SUSD5: variants seen among roughly 807,000 people sequenced by gnomAD.
SUSD5 encodes the protein sushi domain-containing protein 5.
SUSD5 carries 33 observed loss-of-function variants against 29.5 expected under a neutral mutation model. The observed-to-expected ratio is 1.12, with a 90% CI of 0.85 to 1.49. The LOEUF is 1.49. Ranked by LOEUF, SUSD5 falls within the 40% of genes most tolerant of loss-of-function variation. SUSD5 has a pLI of 0.00. For missense variants in SUSD5, 776 were observed against 800.6 expected (o/e 0.97, Z 0.37); for synonymous variants, 308 against 325.3 (o/e 0.95, Z 0.57).
At chr3:33,213,684 G>A (rs12715215) in intron 2 of SUSD5, among the ~76,000 whole-genome samples, 3 of 151,898 alleles carry the variant, frequency 2.0e-5, no homozygotes, top group African/African-American at 7.3e-5. Flanking sequence ...TGAGGCAGGA[G>A]AATTGCTTGA....
rs893407931 is a variant in SUSD5 at position 33,158,276 on chromosome 3, G to A, written c.599-4243C>T. Among the ~76,000 whole-genome samples, 7 of 152,234 alleles carry A rather than the reference G, an allele frequency of 4.6e-5. No individual in the cohort carries two copies. In the South Asian group the frequency reaches 6.2e-4, roughly 14 times the overall value. On this transcript the variant is annotated intron_variant, in intron 4 of 4. Coordinates refer to ENST00000309558, the MANE Select transcript of SUSD5 (RefSeq NM_015551.2). ...TACCCATAGTCTCTCATAACACCCCGAAGACCCTCTGAAAAGACGCCATTG... is the reference window on the plus strand; with the variant it reads ...TACCCATAGTCTCTCATAACACCCCAAAGACCCTCTGAAAAGACGCCATTG...
At chr3:33,212,682 G>GAT (rs1353176282) in intron 2 of SUSD5, among the ~76,000 whole-genome samples, 1 of 152,202 alleles carries the variant, frequency 6.6e-6, no homozygotes, top group Non-Finnish European at 1.5e-5. Context: ...CCCTAAAGGA[G>GAT]ATACCTCCAT....
Position 33,167,294 on chromosome 3 carries a change from A to G in SUSD5, c.598+7592T>C, listed in dbSNP as rs1250237970. 6.6e-6 allele frequency among the ~76,000 whole-genome samples: 1 copy of G among 152,138 alleles called. No individual in the cohort carries two copies. The highest frequency in any genetic ancestry group is 1.5e-5 in the Non-Finnish European group (1 of 68,014). On this transcript the variant is annotated intron_variant, in intron 4 of 4. Transcript: ENST00000309558. The surrounding 1 kb of genome is among the most constrained non-coding windows in gnomAD (Gnocchi z 4.1). ...TCTCACTTTTTTGTGTGTGCAGGCA[A>G]CACTGGCTTAGCATTTAATATTAGA...
intron 3 of SUSD5, among the ~76,000 whole-genome samples, chr3:33,190,741 T>A (rs986638273): frequency 6.6e-6 from 1 of 152,200 alleles, no homozygotes; most frequent in Non-Finnish European, 1.5e-5. Context: ...GCTTCCCTTG[T>A]CTGCCTGATG....
chr3:33,196,727 A>C (rs2032003012), intron 3 of SUSD5, among the ~76,000 whole-genome samples: 1 of 152,180 alleles, frequency 6.6e-6, no homozygotes, highest in South Asian at 2.1e-4. Context: ...AATGATTGGG[A>C]TCCTGGTTAA....
intron 2 of SUSD5, among the ~76,000 whole-genome samples, chr3:33,209,863 T>C (rs1322457666): frequency 6.6e-6 from 1 of 152,168 alleles, no homozygotes; most frequent in South Asian, 2.1e-4. Flanking sequence ...AAGTTCTTAA[T>C]TTTAGTTACT....
At chr3:33,181,178 T>A (rs2031665351) in intron 3 of SUSD5, among the ~76,000 whole-genome samples, 3 of 152,082 alleles carry the variant, frequency 2.0e-5, no homozygotes, top group Admixed American at 2.0e-4. Flanking sequence ...GAAAAAATAT[T>A]TTCATAAATT....
chr3:33,189,284 C>A (rs1298568431), intron 3 of SUSD5, among the ~76,000 whole-genome samples: 1 of 152,038 alleles, frequency 6.6e-6, no homozygotes, highest in Non-Finnish European at 1.5e-5. Flanking sequence ...TCAAGACCAG[C>A]CTGACCAATA....
chr3:33,162,917 CAAA>C (rs35165045), intron 4 of SUSD5, among the ~76,000 whole-genome samples: 1 of 133,438 alleles, frequency 7.5e-6, no homozygotes, highest in Non-Finnish European at 1.6e-5. Flanking sequence ...AACTCCATCT[CAAA>C]AAAAAAAAAA....
intron 4 of SUSD5, among the ~76,000 whole-genome samples, chr3:33,159,719 AC>A (rs2031137972): frequency 1.3e-5 from 2 of 152,080 alleles, no homozygotes; most frequent in South Asian, 4.1e-4. Context: ...ACACACACAC[AC>A]ACACAAACAC....
chr3:33,201,195 T>C (rs960234622), intron 3 of SUSD5, among the ~76,000 whole-genome samples: 1 of 152,176 alleles, frequency 6.6e-6, no homozygotes, highest in Non-Finnish European at 1.5e-5. Context: ...TCAGAGGTCA[T>C]GTGGACCCTC....
In SUSD5 at chr3:33,167,187, T is replaced by A. The variant is rs7647810; in HGVS notation, c.598+7699A>T. On this transcript the variant is annotated intron_variant, in intron 4 of 4. Transcript: ENST00000309558. The surrounding 1 kb of genome is among the most constrained non-coding windows in gnomAD (Gnocchi z 4.1). Reference sequence around the variant, plus strand: ...AGAGCGAGACTCCATCTCAAAAAAATATATATATATATAAATATATATATA... The same window carrying A: ...AGAGCGAGACTCCATCTCAAAAAAAAATATATATATATAAATATATATATA... Among the ~76,000 whole-genome samples the A allele has an allele frequency of 0.55, 82,192 of 149,578 alleles. 22,842 individuals carry two copies. Among genetic ancestry groups the A allele is most frequent in the Middle Eastern group, 0.64 (181 of 282 alleles).
At chr3:33,169,278 T>C (rs958542571) in intron 4 of SUSD5, among the ~76,000 whole-genome samples, 3 of 152,186 alleles carry the variant, frequency 2.0e-5, no homozygotes, top group Non-Finnish European at 4.4e-5. Flanking sequence ...TGGAGCACAA[T>C]GGCACAATCT....
At chr3:33,209,500 T>C (rs917978396) in intron 2 of SUSD5, among the ~76,000 whole-genome samples, 3 of 152,094 alleles carry the variant, frequency 2.0e-5, no homozygotes, top group Admixed American at 6.6e-5. Flanking sequence ...CTCTGAAATA[T>C]TTTCCAGTTC....
intron 3 of SUSD5, among the ~76,000 whole-genome samples, chr3:33,188,884 T>C (rs1280903340): frequency 6.6e-6 from 1 of 152,202 alleles, no homozygotes; most frequent in Admixed American, 6.5e-5. Context: ...TATACCTTAA[T>C]GAACTAAGTT....
chr3:33,203,158 T>C (rs1219574735), intron 3 of SUSD5, among the ~76,000 whole-genome samples: 1 of 152,178 alleles, frequency 6.6e-6, no homozygotes, highest in East Asian at 1.9e-4. Flanking sequence ...TTGTTGACTG[T>C]GCTGTCAACA....
At chr3:33,166,897 C>T (rs2031314807) in intron 4 of SUSD5, among the ~76,000 whole-genome samples, 1 of 152,040 alleles carries the variant, frequency 6.6e-6, no homozygotes, top group Non-Finnish European at 1.5e-5. Context: ...ATCCCATGAG[C>T]TTAAATATTG....
intron 4 of SUSD5, among the ~76,000 whole-genome samples, chr3:33,172,896 G>C (rs937676966): frequency 6.6e-6 from 1 of 152,152 alleles, no homozygotes; most frequent in Non-Finnish European, 1.5e-5. Flanking sequence ...CAAAAAATGT[G>C]TAAGAGTTCA....
intron 2 of SUSD5, among the ~76,000 whole-genome samples, chr3:33,213,340 G>T (rs1301766180): frequency 6.6e-6 from 1 of 152,108 alleles, no homozygotes; most frequent in African/African-American, 2.4e-5. Flanking sequence ...GGATGTTGAG[G>T]CTGCAGTGAG....
Sources: gnomAD v4.1 joint callset for allele counts (sites outside exome capture counted in the v4.1 genomes callset) on GRCh38, gnomAD v4.1.1 for gene constraint, Gnocchi (gnomAD v3.1) non-coding constraint, MANE v1.5 for transcripts, NCBI Gene and HGNC (gene_info 2026-07-23, HGNC 2026-07-21) for gene names.